GLDN: variants seen among roughly 807,000 people sequenced by gnomAD.
GLDN encodes gliomedin, also known as collomin.
GLDN carries 47 observed loss-of-function variants against 56.5 expected under a neutral mutation model. The observed-to-expected ratio is 0.83, with a 90% CI of 0.66 to 1.06. The LOEUF (loss-of-function observed/expected upper bound fraction) is 1.06, where lower values mean the gene tolerates loss of function less well. Among genes scored for constraint, GLDN ranks in the 50% least tolerant of loss-of-function variants. The pLI is 0.00. For missense variants in GLDN, 782 were observed against 714.3 expected (o/e 1.09, Z -1.08); for synonymous variants, 332 against 278.8 (o/e 1.19, Z -1.90).
rs2038379206 is a variant in GLDN, at chr15:51,406,264, T to G, written c.*1510T>G. 6.7e-6 allele frequency: 1 copy of G among 150,018 alleles called. No homozygotes were observed. Among genetic ancestry groups the G allele is most frequent in the Non-Finnish European group, 1.5e-5 (1 of 67,198 alleles). The allele number at this position is 150,018 out of a possible 1,614,324, so 9.3% of individuals were successfully genotyped here. A position where few individuals can be genotyped will look rare whatever the true frequency, so the allele number is the denominator to read the frequency against. On this transcript the variant is annotated 3_prime_UTR_variant, in exon 10 of 10. Coordinates refer to ENST00000335449, the MANE Select transcript of GLDN (RefSeq NM_181789.4). ...TAAATGCTCTTAAATATGCATATTT[T>G]CTGCCAACTCACTTCTTTAAACATC... is the stretch of plus-strand genomic sequence containing the variant.
At chr15:51,342,173 A>T (rs943652208) in intron 1 of GLDN, 126 bp downstream of exon 1, 1 of 1,224,348 alleles carries the variant, frequency 8.2e-7, no homozygotes, top group African/African-American at 1.6e-5. Context: ...GGCTGTGGGC[A>T]TGAGTAGCTG....
At chr15:51,360,999 T>A (rs1048601738) in intron 1 of GLDN, among the ~76,000 whole-genome samples, 1 of 152,246 alleles carries the variant, frequency 6.6e-6, no homozygotes, top group Non-Finnish European at 1.5e-5. Context: ...TAACTATGAT[T>A]TCTGACTATT....
At chr15:51,402,714 A>C (rs1566953153) in intron 9 of GLDN, among the ~76,000 whole-genome samples, 1 of 152,184 alleles carries the variant, frequency 6.6e-6, no homozygotes, top group Non-Finnish European at 1.5e-5. Flanking sequence ...AACCTTTGGC[A>C]TTTGAATGCT....
At chr15:51,346,388 C>G (rs888955513) in intron 1 of GLDN, among the ~76,000 whole-genome samples, 1 of 152,140 alleles carries the variant, frequency 6.6e-6, no homozygotes, top group African/African-American at 2.4e-5. Context: ...ATACATATGG[C>G]AATTTAGTAC....
At chr15:51,377,021 CT>C (rs1164722989) in intron 1 of GLDN, among the ~76,000 whole-genome samples, 3 of 152,124 alleles carry the variant, frequency 2.0e-5, no homozygotes, top group Non-Finnish European at 4.4e-5. Context: ...CAGCTGGAAA[CT>C]TTTTAAAAAG....
chr15:51,366,149 G>A (rs2037397292), intron 1 of GLDN, among the ~76,000 whole-genome samples: 3 of 152,172 alleles, frequency 2.0e-5, no homozygotes, highest in African/African-American at 7.2e-5. Flanking sequence ...TTGTCACTGT[G>A]TGTGTGTCTG....
intron 9 of GLDN, among the ~76,000 whole-genome samples, chr15:51,402,580 A>C (rs1222584667): frequency 6.6e-6 from 1 of 152,200 alleles, no homozygotes; most frequent in Non-Finnish European, 1.5e-5. Flanking sequence ...TGAAACAGTA[A>C]ACCCAGTATT....
At chr15:51,391,947 G>GT (rs200213035) in intron 4 of GLDN, among the ~76,000 whole-genome samples, 67 of 151,644 alleles carry the variant, frequency 4.4e-4, no homozygotes, top group Admixed American at 7.2e-4. Flanking sequence ...TTTCACTAAG[G>GT]TTTTTTTTTA....
At chr15:51,403,374 C>T (rs954741357) in intron 9 of GLDN, among the ~76,000 whole-genome samples, 4 of 152,188 alleles carry the variant, frequency 2.6e-5, no homozygotes, top group Admixed American at 6.5e-5. Flanking sequence ...AGTTTCTTCA[C>T]GGTTTCTTGA....
At chr15:51,412,471 A>G (rs767567258), downstream of GLDN, among the ~76,000 whole-genome samples, 10 of 152,210 alleles carry the variant, frequency 6.6e-5, no homozygotes, top group Non-Finnish European at 1.2e-4. Context: ...CTTTGGTAAA[A>G]GATGGATCTG....
chr15:51,361,116 A>G (rs1181880217), intron 1 of GLDN, among the ~76,000 whole-genome samples: 1 of 152,222 alleles, frequency 6.6e-6, no homozygotes, highest in Non-Finnish European at 1.5e-5. Flanking sequence ...CTGAAAGATG[A>G]TTCCAGCAGT....
chr15:51,356,232 C>T (rs375046503), intron 1 of GLDN, among the ~76,000 whole-genome samples: 1 of 151,666 alleles, frequency 6.6e-6, no homozygotes, highest in Non-Finnish European at 1.5e-5. Flanking sequence ...AATACCTAAC[C>T]TCCTGGGAAG....
At chr15:51,388,919 C>T (rs2037958094) in intron 4 of GLDN, among the ~76,000 whole-genome samples, 1 of 152,166 alleles carries the variant, frequency 6.6e-6, no homozygotes, top group African/African-American at 2.4e-5. Context: ...CCTGGGAGGG[C>T]TGGGAGGGTT....
chr15:51,384,290 G>C (rs565278984), intron 4 of GLDN: 31 of 249,276 alleles, frequency 1.2e-4, no homozygotes, highest in Admixed American at 1.0e-3. Context: ...ATCTGTGTTT[G>C]GTTGAAAATC....
chr15:51,346,239 A>G (rs1208930293), intron 1 of GLDN, among the ~76,000 whole-genome samples: 1 of 152,224 alleles, frequency 6.6e-6, no homozygotes, highest in Non-Finnish European at 1.5e-5. Context: ...CTGGCAAGGA[A>G]ACCGCTGAAA....
intron 1 of GLDN, among the ~76,000 whole-genome samples, chr15:51,376,277 C>A (rs1343823838): frequency 3.9e-5 from 6 of 152,324 alleles, no homozygotes; most frequent in African/African-American, 7.2e-5. Flanking sequence ...TGTTACAGTA[C>A]TGAATGCTGT....
At chr15:51,391,823 C>T (rs1290442668) in intron 4 of GLDN, among the ~76,000 whole-genome samples, 1 of 152,256 alleles carries the variant, frequency 6.6e-6, no homozygotes, top group African/African-American at 2.4e-5. Context: ...TTCACATCCT[C>T]TTCTACTGTG....
At chr15:51,359,571 G>A (rs934405033) in intron 1 of GLDN, among the ~76,000 whole-genome samples, 2 of 152,148 alleles carry the variant, frequency 1.3e-5, no homozygotes, top group East Asian at 3.8e-4. Context: ...ATACTAGAGG[G>A]ATTAAGAAAG....
intron 4 of GLDN, 53 bp from the exon 5 acceptor site, chr15:51,394,782 G>A: frequency 3.1e-6 from 5 of 1,600,750 alleles, no homozygotes; most frequent in Non-Finnish European, 4.3e-6. Flanking sequence ...ATAAAGTGGT[G>A]TGCCAGAACT....
Sources: allele counts gnomAD v4.1 joint callset (sites outside exome capture counted in the v4.1 genomes callset), GRCh38; gene constraint gnomAD v4.1.1; transcripts MANE v1.5; gene names NCBI Gene and HGNC (gene_info 2026-07-23, HGNC 2026-07-21).